PAK1: variants seen among roughly 807,000 people sequenced by gnomAD.
PAK1 encodes serine/threonine-protein kinase PAK 1.
Under a neutral mutation model 67.4 loss-of-function variants are expected in PAK1, and 29 were observed. That is an observed-to-expected ratio of 0.43 (90% CI 0.32 to 0.59). The LOEUF is 0.59. PAK1 is among the 20% of genes least tolerant of loss of function. The pLI is 0.07. For synonymous variants in PAK1, 223 were observed against 237.4 expected, an observed-to-expected ratio of 0.94 and a Z score of 0.56; for missense variants, 337 against 670.7, an observed-to-expected ratio of 0.50 and a Z score of 5.50.
intron 1 of PAK1, among the ~76,000 whole-genome samples, chr11:77,445,492 C>A: frequency 6.6e-6 from 1 of 152,182 alleles, no homozygotes; most frequent in East Asian, 1.9e-4. Flanking sequence ...GGCAGAAACA[C>A]TATTTTATAC....
At chr11:77,423,442 C>CA (rs57503300) in intron 1 of PAK1, among the ~76,000 whole-genome samples, 39 of 147,012 alleles carry the variant, frequency 2.7e-4, no homozygotes, top group Admixed American at 2.6e-3. Context: ...CACACACACA[C>CA]CCCTTAGGAC....
chr11:77,401,692 T>G (rs1952707397), intron 1 of PAK1, among the ~76,000 whole-genome samples: 2 of 152,130 alleles, frequency 1.3e-5, no homozygotes. Flanking sequence ...CCAAGCAAAC[T>G]CCTACTCATT....
intron 13 of PAK1, among the ~76,000 whole-genome samples, chr11:77,334,007 A>G (rs916935857): frequency 6.6e-6 from 1 of 151,548 alleles, no homozygotes; most frequent in African/African-American, 2.4e-5. Context: ...GGTCTCTACT[A>G]AAAATACAAA....
chr11:77,353,414 T>C, intron 8 of PAK1, 122 bp downstream of exon 8: 1 of 687,648 alleles, frequency 1.5e-6, no homozygotes. Context: ...TCCAGATGGG[T>C]GAGGGGTAAA....
At chr11:77,360,602 G>C (rs1351438300) in intron 5 of PAK1, among the ~76,000 whole-genome samples, 1 of 152,146 alleles carries the variant, frequency 6.6e-6, no homozygotes. Context: ...GTAAACACTA[G>C]GTTTGTTTGC....
At chr11:77,518,855 T>A in the PAK1 span, among the ~76,000 whole-genome samples, 3 of 152,224 alleles carry the variant, frequency 2.0e-5, no homozygotes, top group African/African-American at 4.8e-5. Context: ...CTAACTTTTT[T>A]AATACAAACA....
chr11:77,510,529 C>A, the PAK1 span, among the ~76,000 whole-genome samples: 2 of 152,166 alleles, frequency 1.3e-5, no homozygotes, highest in Non-Finnish European at 2.9e-5. Context: ...GTGTACACCG[C>A]ACCTGGCCAG....
chr11:77,494,109 CA>C, the PAK1 span, among the ~76,000 whole-genome samples: 7 of 152,192 alleles, frequency 4.6e-5, no homozygotes, highest in African/African-American at 1.7e-4. Context: ...TATGACCCAG[CA>C]AAACCACTTA....
rs553904344 is a variant in PAK1, at chr11:77,344,051, C to T, written c.886-120G>A. 1.8e-5 allele frequency: 12 copies of T among 678,830 alleles called. 1 individual carries two copies. Among genetic ancestry groups the T allele is most frequent in the South Asian group, 1.5e-4 (9 of 59,776 alleles). The allele number at this position is 678,830 out of a possible 1,614,324, so 42.1% of individuals were successfully genotyped here. A position where few individuals can be genotyped will look rare whatever the true frequency, so the allele number is the denominator to read the frequency against. ...ATGAGTAAGATACAGTCTTAGCCCT[C>T]GAGTAATTCACAGTTTGTCTATGTA... On this transcript the variant is annotated intron_variant, in intron 9 of 14. Transcript: ENST00000356341.
At chr11:77,449,478 G>A (rs1302896717) in intron 1 of PAK1, among the ~76,000 whole-genome samples, 3 of 145,148 alleles carry the variant, frequency 2.1e-5, no homozygotes, top group Non-Finnish European at 3.1e-5. Context: ...AAAGGGGATA[G>A]GGCAGGTAAA....
intron 1 of PAK1, among the ~76,000 whole-genome samples, chr11:77,427,755 T>A (rs1045679914): frequency 6.6e-6 from 1 of 152,096 alleles, no homozygotes; most frequent in Non-Finnish European, 1.5e-5. Context: ...AAATACTCCA[T>A]CAGAAGTAGA....
At chr11:77,435,638 C>T (rs908924432) in intron 1 of PAK1, among the ~76,000 whole-genome samples, 41 of 144,526 alleles carry the variant, frequency 2.8e-4, no homozygotes, top group Non-Finnish European at 1.7e-4. Flanking sequence ...GGACTACAGG[C>T]GCCCGCCACT....
At chr11:77,506,868 A>C in the PAK1 span, among the ~76,000 whole-genome samples, 5 of 152,114 alleles carry the variant, frequency 3.3e-5, no homozygotes, top group Non-Finnish European at 5.9e-5. Flanking sequence ...GTTGGGGAGA[A>C]GCAAGGGATA....
chr11:77,482,852 G>A, the PAK1 span, among the ~76,000 whole-genome samples: 11 of 151,814 alleles, frequency 7.2e-5, no homozygotes, highest in Admixed American at 2.0e-4. Context: ...CGATCCTCCC[G>A]ACTTCAGACT....
At chr11:77,349,148 A>T in intron 9 of PAK1, 91 bp downstream of exon 9, 1 of 917,114 alleles carries the variant, frequency 1.1e-6, no homozygotes, top group Non-Finnish European at 1.7e-6. Flanking sequence ...AAAACCTAGA[A>T]CTGTTCCTGT....
intron 1 of PAK1, among the ~76,000 whole-genome samples, chr11:77,409,525 G>A (rs1954176924): frequency 6.6e-6 from 1 of 151,790 alleles, no homozygotes; most frequent in Admixed American, 6.6e-5. Context: ...ATTCATAATA[G>A]CCAAAATGAA....
intron 1 of PAK1, among the ~76,000 whole-genome samples, chr11:77,416,272 C>T (rs115215998): frequency 1.5e-3 from 223 of 152,260 alleles, no homozygotes; most frequent in African/African-American, 5.2e-3. Flanking sequence ...AGCCACCACG[C>T]CTGCCTATTC....
chr11:77,441,170 C>T (rs746329330), intron 1 of PAK1, among the ~76,000 whole-genome samples: 2 of 151,490 alleles, frequency 1.3e-5, no homozygotes, highest in Admixed American at 6.6e-5. Flanking sequence ...ATGCAGCCAT[C>T]GGTATTTAAT....
In PAK1 at chr11:77,354,259, C is replaced by A. The variant is rs929874482; in HGVS notation, c.773-660G>T. Among the ~76,000 whole-genome samples, 5 of 152,112 alleles carry A rather than the reference C, an allele frequency of 3.3e-5. No individual in the cohort carries two copies. In the East Asian group the frequency reaches 5.8e-4, roughly 18 times the overall value. Reference sequence around the variant, plus strand: ...ACAGAAGGGAAGAAGATACTTCCCCCCCAAGGTCACACAGCAAATTGGTGT... The same window carrying A: ...ACAGAAGGGAAGAAGATACTTCCCCACCAAGGTCACACAGCAAATTGGTGT... On this transcript the variant is annotated intron_variant, in intron 7 of 14. Transcript: ENST00000356341.
Sources: allele counts gnomAD v4.1 joint callset (sites outside exome capture counted in the v4.1 genomes callset), GRCh38; gene constraint gnomAD v4.1.1; transcripts MANE v1.5; gene names NCBI Gene and HGNC (gene_info 2026-07-23, HGNC 2026-07-21).